Variants in AKT1 observed in about 807,000 individuals in gnomAD.
AKT1 encodes the protein RAC-alpha serine/threonine-protein kinase.
Under a neutral mutation model 63.1 loss-of-function variants are expected in AKT1, and 21 were observed. The ratio of observed to expected loss-of-function variants is 0.33; its 90% CI spans 0.24 to 0.48. AKT1 has a LOEUF of 0.48. Ranked by LOEUF, AKT1 falls within the 20% of genes least tolerant of loss-of-function variation. AKT1 has a pLI of 0.99. For missense variants in AKT1, 382 were observed against 666.0 expected (o/e 0.57, Z 4.69); for synonymous variants, 257 against 253.1 (o/e 1.02, Z -0.15).
chr14:104,780,156 A>T lies in AKT1; in HGVS notation c.107T>A (p.Ile36Asn), dbSNP rs758157217. Residue 36 changes from isoleucine (I) to asparagine (N), a missense_variant, in exon 4 of 15, where the codon ATT becomes AAT. Physicochemically the swap from Ile to Asn is moderately radical, Grantham distance 149 (BLOSUM62 -3). This residue lies in a region of AKT1 where 226 missense variants were observed against 366.4 expected (regional missense o/e 0.62). Coordinates refer to ENST00000649815, the MANE Select transcript of AKT1 (RefSeq NM_001382430.1). ...YFLLKNDGTFIGYKERPQDVD... is the reference protein window; with the variant it reads ...YFLLKNDGTFNGYKERPQDVD... ...ATCCTGCGGCCGCTCCTTGTAGCCA[A>T]TGAAGGTGCCATCATTCTTGAGGAG... 1 of 1,613,692 alleles carries T rather than the reference A, an allele frequency of 6.2e-7. No individual in the cohort carries two copies.
At chr14:104,781,525 G>A (rs946434881) in intron 3 of AKT1, among the ~76,000 whole-genome samples, 5 of 152,174 alleles carry the variant, frequency 3.3e-5, no homozygotes, top group Admixed American at 2.6e-4. Flanking sequence ...TTTCCAGGGA[G>A]CCACGGGGGA....
chr14:104,777,028 C>T (rs1892756380), intron 4 of AKT1: 1 of 468,908 alleles, frequency 2.1e-6, no homozygotes, highest in Non-Finnish European at 3.9e-6. Context: ...AAACCCCCAC[C>T]ATCGTCCACT....
intron 4 of AKT1, chr14:104,777,902 C>T (rs45598737): frequency 0.059 from 9,458 of 160,912 alleles, 374 homozygotes; most frequent in Non-Finnish European, 0.089. Context: ...GAAGCCCCGG[C>T]ACACCCACCT....
intron 4 of AKT1, chr14:104,777,432 C>T (rs1483415992): frequency 3.0e-6 from 2 of 665,370 alleles, no homozygotes; most frequent in Non-Finnish European, 3.8e-6. Flanking sequence ...ACCTGGGACA[C>T]AGCCACACTG....
At chr14:104,772,122 C>T (rs1892421396) in intron 13 of AKT1, 4 of 584,158 alleles carry the variant, frequency 6.8e-6, no homozygotes, top group South Asian at 6.0e-5. Flanking sequence ...GAGTGTGACA[C>T]ACCTCCGAGG....
At chr14:104,784,736 G>A (rs1217694712) in intron 3 of AKT1, among the ~76,000 whole-genome samples, 1 of 151,700 alleles carries the variant, frequency 6.6e-6, no homozygotes, top group Non-Finnish European at 1.5e-5. Flanking sequence ...ACGTGTCCCA[G>A]GCCACACTGT....
At chr14:104,780,713 G>C (rs1038170857) in intron 3 of AKT1, among the ~76,000 whole-genome samples, 1 of 150,840 alleles carries the variant, frequency 6.6e-6, no homozygotes, top group African/African-American at 2.4e-5. Flanking sequence ...CAGCATGGCC[G>C]CCCCCCCCGC....
intron 4 of AKT1, chr14:104,777,623 G>C (rs190299716): frequency 1.0e-6 from 1 of 991,608 alleles, no homozygotes; most frequent in South Asian, 4.4e-5. Context: ...GGGAACGTGC[G>C]GGGCCCTGAG....
At chr14:104,786,543 C>T (rs1893343273) in intron 3 of AKT1, among the ~76,000 whole-genome samples, 1 of 152,216 alleles carries the variant, frequency 6.6e-6, no homozygotes, top group South Asian at 2.1e-4. Context: ...CCCTGACACC[C>T]CAGGAAAAGT....
At position 104,773,448 on chromosome 14, in the gene AKT1, A is replaced by G. The variant is rs2140906325; in HGVS notation, c.828+7T>C. 6.2e-7 allele frequency: 1 copy of G among 1,613,888 alleles called. No individual in the cohort carries two copies. Among genetic ancestry groups the G allele is most frequent in the Non-Finnish European group, 8.5e-7 (1 of 1,179,868 alleles). The stretch of plus-strand genomic sequence containing the variant: ...GGCCCTGCCCCCCTGCCTGCCCGCC[A>G]GCGCACCTTGAGGTCCCGGTACACC... On this transcript the variant is annotated splice_region_variant and intron_variant, in intron 10 of 14. Coordinates refer to ENST00000649815, the MANE Select transcript of AKT1 (RefSeq NM_001382430.1).
At chr14:104,777,250 ACCCACAC>A in intron 4 of AKT1, 1 of 212,320 alleles carries the variant, frequency 4.7e-6, no homozygotes, top group Non-Finnish European at 9.6e-6. Context: ...CCTGGGGCAC[ACCCACAC>A]CTGGGGCACA....
At chr14:104,787,514 G>C (rs1272930156) in intron 3 of AKT1, among the ~76,000 whole-genome samples, 1 of 152,244 alleles carries the variant, frequency 6.6e-6, no homozygotes, top group Non-Finnish European at 1.5e-5. Flanking sequence ...CTGGCCCCAA[G>C]CCGGGCCGGG....
intron 3 of AKT1, 74 bp from the exon 4 acceptor site, chr14:104,780,290 T>C (rs2140951060): frequency 5.1e-6 from 8 of 1,572,688 alleles, no homozygotes; most frequent in Non-Finnish European, 6.9e-6. Context: ...AGGCAGGAAC[T>C]GGGTGTGCCA....
chr14:104,787,108 C>T, intron 3 of AKT1, among the ~76,000 whole-genome samples: 1 of 152,296 alleles, frequency 6.6e-6, no homozygotes, highest in South Asian at 2.1e-4. Context: ...CACCCCAAAG[C>T]CCGCAACATT....
At chr14:104,788,250 T>C (rs1893435854) in intron 3 of AKT1, among the ~76,000 whole-genome samples, 4 of 152,164 alleles carry the variant, frequency 2.6e-5, no homozygotes, top group African/African-American at 9.6e-5. Flanking sequence ...TGGGAAAAAC[T>C]GAGGCCCAGG....
chr14:104,777,514 G>A (rs1173243196), intron 4 of AKT1: 2 of 986,362 alleles, frequency 2.0e-6, no homozygotes, highest in Non-Finnish European at 2.4e-6. Context: ...TGGGGCACAC[G>A]CACACCTGGG....
Position 104,773,890 on chromosome 14 carries a change from C to G in AKT1, c.702+22G>C, listed in dbSNP as rs371042483. On this transcript the variant is annotated intron_variant, in intron 9 of 14. Coordinates refer to ENST00000649815, the MANE Select transcript of AKT1 (RefSeq NM_001382430.1). Reference sequence around the variant, plus strand: ...GCGGCCCACAGGCCGCGAAGTCCATCCCCCGCAGCCCCAGCCCCTACCTCG... The same window carrying G: ...GCGGCCCACAGGCCGCGAAGTCCATGCCCCGCAGCCCCAGCCCCTACCTCG... 2.7e-3 allele frequency: 4,319 copies of G among 1,590,832 alleles called. 124 individuals are homozygous for G. The South Asian group carries it at 0.046, about 17-fold the overall frequency.
intron 3 of AKT1, among the ~76,000 whole-genome samples, chr14:104,783,833 C>T (rs1332736712): frequency 6.6e-6 from 1 of 152,228 alleles, no homozygotes; most frequent in East Asian, 1.9e-4. Flanking sequence ...GGACCTGGAG[C>T]AGGCAGGGTC....
At chr14:104,773,223 C>G (rs750891852) in intron 11 of AKT1, 28 bp downstream of exon 11, 2 of 1,613,946 alleles carry the variant, frequency 1.2e-6, no homozygotes, top group South Asian at 2.2e-5. Context: ...GACGCAGCAA[C>G]GCGTATGCAC....
Sources: allele counts gnomAD v4.1 joint callset (sites outside exome capture counted in the v4.1 genomes callset), GRCh38; gene constraint gnomAD v4.1.1; regional missense constraint gnomAD v4.1.1; transcripts MANE v1.5; gene names NCBI Gene and HGNC (gene_info 2026-07-23, HGNC 2026-07-21).